OBI1: variants seen among roughly 807,000 people sequenced by gnomAD.
OBI1 encodes the protein ORC ubiquitin ligase 1.
OBI1 carries 59 observed loss-of-function variants against 62.4 expected under a neutral mutation model. The ratio of observed to expected loss-of-function variants is 0.95; its 90% CI spans 0.77 to 1.17. The LOEUF (loss-of-function observed/expected upper bound fraction) is 1.17. Among genes scored for constraint, OBI1 ranks in the 50% most tolerant of loss-of-function variants. The pLI, the probability that OBI1 is intolerant of heterozygous loss-of-function variation, is 0.00. For missense variants in OBI1, 875 were observed against 830.9 expected (o/e 1.05, Z -0.65); for synonymous variants, 302 against 292.8 (o/e 1.03, Z -0.32).
intron 5 of OBI1, among the ~76,000 whole-genome samples, chr13:78,631,459 G>T (rs78179986): frequency 0.024 from 3,635 of 152,170 alleles, 115 homozygotes; most frequent in African/African-American, 0.08. Flanking sequence ...ATTATTTCTG[G>T]GTTGGCAAGT....
At chr13:78,633,094 T>C (rs531674344) in intron 5 of OBI1, among the ~76,000 whole-genome samples, 1 of 152,240 alleles carries the variant, frequency 6.6e-6, no homozygotes, top group African/African-American at 2.4e-5. Flanking sequence ...ACAAACAAAA[T>C]AGCTTTCGTT....
At chr13:78,620,526 A>G (rs557223958) in intron 5 of OBI1, 2 of 436,592 alleles carry the variant, frequency 4.6e-6, no homozygotes, top group East Asian at 7.2e-5. Flanking sequence ...GGGAGCTACA[A>G]TTGATATCGG....
intron 5 of OBI1, among the ~76,000 whole-genome samples, chr13:78,625,967 G>A (rs1875653882): frequency 6.6e-6 from 1 of 152,228 alleles, no homozygotes; most frequent in Non-Finnish European, 1.5e-5. Flanking sequence ...AAAGGTTAGA[G>A]CATTACTAGC....
Position 78,616,972 on chromosome 13 carries a change from C to G in OBI1, c.789G>C (p.Glu263Asp). 2 of 1,614,152 alleles carry G rather than the reference C, an allele frequency of 1.2e-6. No homozygotes were observed. Among genetic ancestry groups the G allele is most frequent in the Non-Finnish European group, 1.7e-6 (2 of 1,180,008 alleles). The stretch of plus-strand genomic sequence containing the variant: ...GGCAAATGGAATTCATAGCTTCTTT[C>G]TCTTCACTTGAATTTTTTAGCTGTG... ...QVAQLKNSSE[E>D]KEAMNSICQT... The change falls in exon 6 of 6, where the codon GAG becomes GAC. Residue 263 changes from glutamate to aspartate, a missense_variant. Transcript: ENST00000282003.
Position 78,615,931 on chromosome 13 carries a change from A to T in OBI1, c.1830T>A (p.Thr610=). Residue 610 remains threonine (T), a synonymous_variant, in exon 6 of 6, where the codon ACT becomes ACA. Transcript: ENST00000282003. ...QLENGSEWKP[T]SFFLLSPSDQ... is the part of the protein sequence containing the mutation. ...CAGATGGAGAGAGGAGAAAAAAAGA[A>T]GTGGGTTTCCATTCACTTCCATTTT... is the stretch of plus-strand genomic sequence containing the variant. 6.2e-7 allele frequency: 1 copy of T among 1,613,856 alleles called. No individual in the cohort carries two copies. The highest frequency in any genetic ancestry group is 8.5e-7 in the Non-Finnish European group (1 of 1,179,956).
intron 1 of OBI1, among the ~76,000 whole-genome samples, chr13:78,653,062 T>G (rs766520280): frequency 4.6e-5 from 7 of 152,176 alleles, no homozygotes; most frequent in Non-Finnish European, 8.8e-5. Flanking sequence ...AAATCCCCTT[T>G]CTTAAAAAAG....
rs920932158 is a variant in OBI1 at position 78,655,139 on chromosome 13, T to C, written c.72+3910A>G. On this transcript the variant is annotated intron_variant, in intron 1 of 5. Coordinates refer to ENST00000282003, the MANE Select transcript of OBI1 (RefSeq NM_024546.4). ...TGGCTTTCACTCATGGCAAAATGCATGCACGGCCAATAAAAAGTATTACAT... is the reference window on the plus strand; with the variant it reads ...TGGCTTTCACTCATGGCAAAATGCACGCACGGCCAATAAAAAGTATTACAT... 3.3e-5 allele frequency among the ~76,000 whole-genome samples: 5 copies of C among 152,198 alleles called. 1 individual carries two copies. The highest frequency in any genetic ancestry group is 7.3e-5 in the Non-Finnish European group (5 of 68,040).
intron 4 of OBI1, among the ~76,000 whole-genome samples, chr13:78,638,301 C>A (rs181008934): frequency 3.0e-3 from 453 of 152,268 alleles, no homozygotes; most frequent in African/African-American, 0.011. Flanking sequence ...TCACAACATT[C>A]TTTTGCATGA....
intron 5 of OBI1, among the ~76,000 whole-genome samples, chr13:78,627,772 T>G (rs538771460): frequency 6.6e-6 from 1 of 152,368 alleles, no homozygotes; most frequent in South Asian, 2.1e-4. Context: ...ATTTATATTA[T>G]TTTGTCTTCC....
At chr13:78,658,345 C>T (rs183411652) in intron 1 of OBI1, among the ~76,000 whole-genome samples, 62 of 152,272 alleles carry the variant, frequency 4.1e-4, no homozygotes, top group African/African-American at 1.5e-3. Context: ...TTCAAAGCTC[C>T]GTTTCTAATT....
At position 78,615,549 on chromosome 13, in the gene OBI1, A is replaced by C; in HGVS notation, c.*31T>G. The C allele has an allele frequency of 8.0e-6, 12 of 1,494,406 alleles. No homozygotes were observed. Among genetic ancestry groups the C allele is most frequent in the Non-Finnish European group, 1.1e-5 (12 of 1,105,416 alleles). 92.6% of individuals were successfully genotyped at this position (1,494,406 alleles called of 1,614,324 possible). The stretch of plus-strand genomic sequence containing the variant: ...TAACAACTTTTCTATTTCTCTCAGG[A>C]CAAAACCACAAATGACACCTTTCTA... On this transcript the variant is annotated 3_prime_UTR_variant, in exon 6 of 6. Coordinates refer to ENST00000282003, the MANE Select transcript of OBI1 (RefSeq NM_024546.4).
chr13:78,636,073 T>G (rs1876021257), intron 4 of OBI1, among the ~76,000 whole-genome samples: 1 of 152,132 alleles, frequency 6.6e-6, no homozygotes, highest in Non-Finnish European at 1.5e-5. Flanking sequence ...GGATCAGTAT[T>G]TTCTAATAAA....
chr13:78,658,972 C>A, intron 1 of OBI1, 77 bp downstream of exon 1: 1 of 1,361,512 alleles, frequency 7.3e-7, no homozygotes, highest in Non-Finnish European at 1.0e-6. Context: ...TCCCCGCCCC[C>A]GCACGAGACG....
intron 1 of OBI1, among the ~76,000 whole-genome samples, chr13:78,656,660 T>C (rs1405158104): frequency 7.8e-6 from 1 of 127,742 alleles, no homozygotes; most frequent in African/African-American, 2.9e-5. Flanking sequence ...TAGATTAGAT[T>C]AGAACCCGGC....
Position 78,616,441 on chromosome 13 carries a change from T to C in OBI1, c.1320A>G (p.Lys440=). 3 of 1,613,402 alleles carry C rather than the reference T, an allele frequency of 1.9e-6. No individual in the cohort carries two copies. Among genetic ancestry groups the C allele is most frequent in the South Asian group, 1.1e-5 (1 of 90,752 alleles). Reference sequence around the variant, plus strand: ...TACTTATATCATCTTCTGAAGAATCTTTATTAGAAACATTTGAAGAATCAC... The same window carrying C: ...TACTTATATCATCTTCTGAAGAATCCTTATTAGAAACATTTGAAGAATCAC... The part of the protein sequence containing the change: ...DFCDSSNVSN[K]DSSEDDISRS... The change falls in exon 6 of 6, where the codon AAA becomes AAG. Residue 440 remains lysine (K), a synonymous_variant. Coordinates refer to ENST00000282003, the MANE Select transcript of OBI1 (RefSeq NM_024546.4).
rs984823342 is a variant in OBI1 at position 78,628,469 on chromosome 13, G to C, written c.638+6641C>G. ...TTCCCTTCATCTGAGGATTGAAGGA[G>C]ACAGCCATGTAAAGATCTGCAAGGA... On this transcript the variant is annotated intron_variant, in intron 5 of 5. Transcript: ENST00000282003. Among the ~76,000 whole-genome samples, 7 of 152,218 alleles carry C rather than the reference G, an allele frequency of 4.6e-5. No individual in the cohort carries two copies. In the East Asian group the frequency reaches 1.3e-3, roughly 29 times the overall value.
intron 2 of OBI1, among the ~76,000 whole-genome samples, chr13:78,644,144 C>T (rs1456901935): frequency 6.6e-6 from 1 of 152,194 alleles, no homozygotes; most frequent in Admixed American, 6.5e-5. Flanking sequence ...AGCCTCCTAC[C>T]AGACCTACTC....
intron 1 of OBI1, among the ~76,000 whole-genome samples, chr13:78,657,281 C>A (rs1332414945): frequency 1.5e-5 from 2 of 130,996 alleles, no homozygotes. Context: ...TAAAGTTAAC[C>A]AATACAGGAA....
At chr13:78,632,620 G>C (rs1206330078) in intron 5 of OBI1, among the ~76,000 whole-genome samples, 2 of 152,258 alleles carry the variant, frequency 1.3e-5, no homozygotes, top group African/African-American at 4.8e-5. Flanking sequence ...ATTTTTATTT[G>C]CTTGCATTTA....
Sources: gnomAD v4.1 joint callset for allele counts (sites outside exome capture counted in the v4.1 genomes callset) on GRCh38, gnomAD v4.1.1 for gene constraint, MANE v1.5 for transcripts, NCBI Gene and HGNC (gene_info 2026-07-23, HGNC 2026-07-21) for gene names.